The following PAK1 variants were observed in gnomAD, a reference collection of about 807,000 sequenced individuals.
PAK1 encodes the protein serine/threonine-protein kinase PAK 1.
PAK1 carries 29 observed loss-of-function variants against 67.4 expected under a neutral mutation model. That is an observed-to-expected ratio of 0.43 (90% CI 0.32 to 0.59). PAK1 has a LOEUF of 0.59. Ranked by LOEUF, PAK1 falls within the 20% of genes least tolerant of loss-of-function variation. PAK1 has a pLI of 0.07. For synonymous variants in PAK1, 223 were observed against 237.4 expected, an observed-to-expected ratio of 0.94 and a Z score of 0.56; for missense variants, 337 against 670.7, an observed-to-expected ratio of 0.50 and a Z score of 5.50.
chr11:77,440,362 C>G (rs886246084), intron 1 of PAK1, among the ~76,000 whole-genome samples: 1 of 151,854 alleles, frequency 6.6e-6, no homozygotes, highest in African/African-American at 2.4e-5. Flanking sequence ...ATAGTGAGAC[C>G]CCCATCTCTA....
At chr11:77,471,316 A>C (rs1354061337) in intron 1 of PAK1, among the ~76,000 whole-genome samples, 1 of 152,216 alleles carries the variant, frequency 6.6e-6, no homozygotes, top group Non-Finnish European at 1.5e-5. Flanking sequence ...GTGGTTCTCA[A>C]ACTTTAGCAA....
upstream of PAK1, chr11:77,474,421 C>T (rs1958022506): frequency 6.6e-6 from 1 of 152,224 alleles, no homozygotes; most frequent in Non-Finnish European, 1.5e-5. Flanking sequence ...CGCGTCGCGT[C>T]ACTGTTCTCG....
At chr11:77,326,799 CGAGTTGAAAGA>C (rs1258922624) in intron 14 of PAK1, among the ~76,000 whole-genome samples, 4 of 151,980 alleles carry the variant, frequency 2.6e-5, no homozygotes, top group African/African-American at 9.7e-5. Context: ...ATGACTCTGA[CGAGTTGAAAGA>C]AGGCCTCAGA....
At chr11:77,519,057 A>G in the PAK1 span, among the ~76,000 whole-genome samples, 1 of 152,160 alleles carries the variant, frequency 6.6e-6, no homozygotes, top group African/African-American at 2.4e-5. Context: ...ACATAACCAC[A>G]CTGCTACCAA....
chr11:77,399,845 C>G (rs376284114), intron 1 of PAK1, among the ~76,000 whole-genome samples: 28 of 83,200 alleles, frequency 3.4e-4, no homozygotes, highest in African/African-American at 1.4e-3. Flanking sequence ...GGCGACAGAG[C>G]GAGACTCCGT....
At chr11:77,499,853 A>C in the PAK1 span, among the ~76,000 whole-genome samples, 3 of 152,124 alleles carry the variant, frequency 2.0e-5, no homozygotes, top group African/African-American at 7.2e-5. Flanking sequence ...TTTGGCTTCT[A>C]CAGAACAGAA....
At chr11:77,365,000 G>C (rs557030990) in intron 5 of PAK1, among the ~76,000 whole-genome samples, 1 of 152,112 alleles carries the variant, frequency 6.6e-6, no homozygotes, top group Non-Finnish European at 1.5e-5. Context: ...TGTAATCCTA[G>C]CACTTTGGGA....
intron 1 of PAK1, among the ~76,000 whole-genome samples, chr11:77,451,597 GTTTT>G (rs149904004): frequency 6.8e-6 from 1 of 148,132 alleles, no homozygotes; most frequent in Admixed American, 6.7e-5. Flanking sequence ...AATGTCTTTT[GTTTT>G]TTTTTGTTTT....
intron 1 of PAK1, among the ~76,000 whole-genome samples, chr11:77,421,582 C>T (rs1955265806): frequency 6.6e-6 from 1 of 152,114 alleles, no homozygotes; most frequent in Non-Finnish European, 1.5e-5. Flanking sequence ...CAGAACTATT[C>T]CTTGCAAACA....
chr11:77,369,262 G>A (rs1027611307), intron 5 of PAK1, among the ~76,000 whole-genome samples: 2 of 151,626 alleles, frequency 1.3e-5, no homozygotes, highest in Admixed American at 6.6e-5. Context: ...TCTTCAGCTG[G>A]GAATTTTTTC....
intron 1 of PAK1, among the ~76,000 whole-genome samples, chr11:77,429,384 T>C (rs1955753380): frequency 6.6e-6 from 1 of 152,212 alleles, no homozygotes; most frequent in Non-Finnish European, 1.5e-5. Flanking sequence ...GATATTTACA[T>C]AGTACTGCCT....
At chr11:77,390,846 G>C (rs1190576806) in intron 2 of PAK1, among the ~76,000 whole-genome samples, 1 of 152,064 alleles carries the variant, frequency 6.6e-6, no homozygotes, top group Admixed American at 6.6e-5. Flanking sequence ...AAGTGAAGGT[G>C]AAGTAGAAGG....
In PAK1 at chr11:77,392,322, A is replaced by G; in HGVS notation, c.190+9T>C. Reference sequence around the variant, plus strand: ...ATATAAATGATGAGAAGAAAATCAAATACTATACTTTTATCTCCAGGTAAA... The same window carrying G: ...ATATAAATGATGAGAAGAAAATCAAGTACTATACTTTTATCTCCAGGTAAA... On this transcript the variant is annotated intron_variant, in intron 2 of 14. Transcript: ENST00000356341. 6.5e-7 allele frequency: 1 copy of G among 1,550,060 alleles called. No individual in the cohort carries two copies. Among genetic ancestry groups the G allele is most frequent in the Non-Finnish European group, 8.8e-7 (1 of 1,140,804 alleles).
intron 1 of PAK1, among the ~76,000 whole-genome samples, chr11:77,429,315 TA>T (rs1176592634): frequency 6.6e-6 from 1 of 152,076 alleles, no homozygotes; most frequent in African/African-American, 2.4e-5. Flanking sequence ...ACCCATTAAA[TA>T]AAATGAGTCC....
At chr11:77,457,699 T>C (rs1957142446) in intron 1 of PAK1, among the ~76,000 whole-genome samples, 1 of 152,180 alleles carries the variant, frequency 6.6e-6, no homozygotes, top group Non-Finnish European at 1.5e-5. Context: ...GCCCAAAGCC[T>C]TTCTCATTTC....
chr11:77,459,336 T>C (rs1957216312), intron 1 of PAK1, among the ~76,000 whole-genome samples: 1 of 152,088 alleles, frequency 6.6e-6, no homozygotes, highest in Non-Finnish European at 1.5e-5. Context: ...AATAGGTTAC[T>C]AAAAGTCAAG....
rs183970094 is a variant in PAK1, at chr11:77,394,714, G to A, written c.-21-2173C>T. On this transcript the variant is annotated intron_variant, in intron 1 of 14. Coordinates refer to ENST00000356341, the MANE Select transcript of PAK1 (RefSeq NM_002576.5). ...CAAAAAATTAGCTGGGCATGGTGGCGCGCGCCTGTAGTCCCAGCTACTCAG... is the reference window on the plus strand; with the variant it reads ...CAAAAAATTAGCTGGGCATGGTGGCACGCGCCTGTAGTCCCAGCTACTCAG... Among the ~76,000 whole-genome samples the A allele has an allele frequency of 2.5e-3, 382 of 152,164 alleles. 1 individual carries two copies. Among genetic ancestry groups the A allele is most frequent in the Middle Eastern group, 6.8e-3 (2 of 294 alleles).
rs1938596718 is a variant in PAK1 at position 77,322,072 on chromosome 11, T to C, written c.*1202A>G. The C allele has an allele frequency of 4.6e-6, 1 of 217,250 alleles. No individual in the cohort carries two copies. The highest frequency in any genetic ancestry group is 2.3e-5 in the African/African-American group (1 of 44,408). 13.5% of individuals were successfully genotyped at this position (217,250 alleles called of 1,614,324 possible). ...ATAGAAATTTGTGCTGCAGAGGCAG[T>C]AGTACCTCAGAGCATGAGAAGGTAG... On this transcript the variant is annotated 3_prime_UTR_variant, in exon 15 of 15. Coordinates refer to ENST00000356341, the MANE Select transcript of PAK1 (RefSeq NM_002576.5).
chr11:77,474,186 C>CCTCCCCCTCCCCCA (rs1222618944), upstream of PAK1: 1 of 139,980 alleles, frequency 7.1e-6, no homozygotes, highest in African/African-American at 2.5e-5. Context: ...CCCTTCTCCC[C>CCTCCCCCTCCCCCA]CTCCCCCTCC....
Sources: gnomAD v4.1 joint callset for allele counts (sites outside exome capture counted in the v4.1 genomes callset) on GRCh38, gnomAD v4.1.1 for gene constraint, MANE v1.5 for transcripts, NCBI Gene and HGNC (gene_info 2026-07-23, HGNC 2026-07-21) for gene names.